The following MINDY2 variants were observed in gnomAD, a reference collection of about 807,000 sequenced individuals.
MINDY2 encodes MINDY lysine 48 deubiquitinase 2, also known as ubiquitin carboxyl-terminal hydrolase MINDY-2.
A neutral mutation model predicts 68.2 loss-of-function variants in MINDY2; 52 were observed. That is an observed-to-expected ratio of 0.76 (90% CI 0.61 to 0.96). MINDY2 has a LOEUF of 0.96. Ranked by LOEUF, MINDY2 falls within the 40% of genes least tolerant of loss-of-function variation. MINDY2 has a pLI of 0.00. For missense variants in MINDY2, 881 were observed against 773.4 expected (o/e 1.14, Z -1.65); for synonymous variants, 372 against 303.0 (o/e 1.23, Z -2.36).
chr15:58,833,376 G>A (rs2031836276), intron 6 of MINDY2, among the ~76,000 whole-genome samples: 1 of 152,172 alleles, frequency 6.6e-6, no homozygotes, highest in Non-Finnish European at 1.5e-5. Flanking sequence ...ACCTGTGGGT[G>A]TTTCTCATTA....
rs573599860 is a variant in MINDY2 at position 58,818,508 on chromosome 15, A to G, written c.1123-3209A>G. Among the ~76,000 whole-genome samples, 4 of 152,240 alleles carry G rather than the reference A, an allele frequency of 2.6e-5. No individual in the cohort carries two copies. In the East Asian group the frequency reaches 7.7e-4, roughly 29 times the overall value. On this transcript the variant is annotated intron_variant, in intron 4 of 8. Transcript: ENST00000559228. ...TGGACTGAAGCCGTCCTCCCCTGCT[A>G]GCCTCCTAAAGTGCTGGGATTATAG...
At chr15:58,847,178 T>C (rs1297105191) in intron 6 of MINDY2, 119 bp from the exon 7 acceptor site, 4 of 753,442 alleles carry the variant, frequency 5.3e-6, no homozygotes, top group Non-Finnish European at 8.1e-6. Context: ...TGTACAGATC[T>C]AAACAGTAGG....
intron 6 of MINDY2, among the ~76,000 whole-genome samples, chr15:58,846,656 A>C (rs1320379236): frequency 6.6e-6 from 1 of 152,074 alleles, no homozygotes; most frequent in Non-Finnish European, 1.5e-5. Flanking sequence ...CTATGTATCC[A>C]CAAAAATTAA....
rs947512710 is a variant in MINDY2, at chr15:58,801,959, A to G, written c.899-354A>G. Among the ~76,000 whole-genome samples the G allele has an allele frequency of 4.6e-5, 7 of 152,342 alleles. No individual in the cohort carries two copies. The East Asian group carries it at 5.8e-4, about 13-fold the overall frequency. Reference sequence around the variant, plus strand: ...TTTTTTACTTCTCAGTGTTGCAGACATTTAGAAGACTGATAATACCCATTG... The same window carrying G: ...TTTTTTACTTCTCAGTGTTGCAGACGTTTAGAAGACTGATAATACCCATTG... On this transcript the variant is annotated intron_variant, in intron 2 of 8. Transcript: ENST00000559228.
At chr15:58,788,266 A>G (rs1901640036) in intron 2 of MINDY2, among the ~76,000 whole-genome samples, 1 of 152,222 alleles carries the variant, frequency 6.6e-6, no homozygotes, top group Non-Finnish European at 1.5e-5. Context: ...CTGACATTGC[A>G]TGTAGAAAGT....
At chr15:58,822,993 T>G (rs1362778146) in intron 5 of MINDY2, among the ~76,000 whole-genome samples, 3 of 152,158 alleles carry the variant, frequency 2.0e-5, no homozygotes, top group African/African-American at 7.2e-5. Context: ...ATAAAAGATA[T>G]GTACATGAAT....
intron 1 of MINDY2, among the ~76,000 whole-genome samples, chr15:58,783,656 G>A (rs965825752): frequency 1.7e-4 from 26 of 152,286 alleles, no homozygotes; most frequent in African/African-American, 5.8e-4. Context: ...AGAATGGTCC[G>A]GGCATGGTGG....
chr15:58,856,819 T>A lies in MINDY2; in HGVS notation c.*2209T>A, dbSNP rs1229171020. 4 of 152,236 alleles carry A rather than the reference T, an allele frequency of 2.6e-5. No homozygotes were observed. Among genetic ancestry groups the A allele is most frequent in the African/African-American group, 9.6e-5 (4 of 41,464 alleles). The allele number at this position is 152,236 out of a possible 1,614,324, so 9.4% of individuals were successfully genotyped here. A position where few individuals can be genotyped will look rare whatever the true frequency, so the allele number is the denominator to read the frequency against. On this transcript the variant is annotated 3_prime_UTR_variant, in exon 9 of 9. Transcript: ENST00000559228. ...CTTGAGAAATTTTAAAAAGCATAGT[T>A]GAGGCATATTTTTTCATAATTATAT...
At chr15:58,818,264 C>T (rs1371737535) in intron 4 of MINDY2, among the ~76,000 whole-genome samples, 1 of 152,026 alleles carries the variant, frequency 6.6e-6, no homozygotes, top group Non-Finnish European at 1.5e-5. Flanking sequence ...GAATGGAATT[C>T]TGGGGGTGGG....
intron 5 of MINDY2, among the ~76,000 whole-genome samples, chr15:58,825,005 T>C (rs2031303707): frequency 6.6e-6 from 1 of 152,196 alleles, no homozygotes; most frequent in Non-Finnish European, 1.5e-5. Context: ...GGTGTTCAGT[T>C]AAAGTAATCT....
chr15:58,807,863 C>G (rs1475827830), intron 3 of MINDY2, among the ~76,000 whole-genome samples: 1 of 152,084 alleles, frequency 6.6e-6, no homozygotes, highest in Non-Finnish European at 1.5e-5. Flanking sequence ...CAGTAATAAA[C>G]TCGTTTTTGC....
At chr15:58,820,729 T>C (rs1056203805) in intron 4 of MINDY2, among the ~76,000 whole-genome samples, 2 of 152,156 alleles carry the variant, frequency 1.3e-5, no homozygotes, top group African/African-American at 4.8e-5. Flanking sequence ...TTTACATCTT[T>C]TTAACAAGCT....
chr15:58,797,013 T>A (rs1902328162), intron 2 of MINDY2, among the ~76,000 whole-genome samples: 1 of 152,186 alleles, frequency 6.6e-6, no homozygotes, highest in Non-Finnish European at 1.5e-5. Context: ...ATATATCACC[T>A]AAACCTGCAC....
chr15:58,854,343 T>C, intron 8 of MINDY2, 139 bp from the exon 9 acceptor site: 1 of 818,328 alleles, frequency 1.2e-6, no homozygotes, highest in South Asian at 2.2e-5. Context: ...CCATGTAATA[T>C]AACAAATCTG....
At chr15:58,822,011 A>G (rs2031091821) in intron 5 of MINDY2, among the ~76,000 whole-genome samples, 192 bp downstream of exon 5, 1 of 152,200 alleles carries the variant, frequency 6.6e-6, no homozygotes, top group East Asian at 1.9e-4. Context: ...GCATTTTGAG[A>G]GGCCAAGGCA....
At chr15:58,824,962 G>A (rs921208832) in intron 5 of MINDY2, among the ~76,000 whole-genome samples, 10 of 152,160 alleles carry the variant, frequency 6.6e-5, no homozygotes, top group Admixed American at 2.6e-4. Flanking sequence ...AAGCCACCTC[G>A]CCCAGCCCAT....
At chr15:58,807,590 C>T (rs1374763251) in intron 3 of MINDY2, among the ~76,000 whole-genome samples, 1 of 152,062 alleles carries the variant, frequency 6.6e-6, no homozygotes, top group Non-Finnish European at 1.5e-5. Context: ...GTCTCGATCT[C>T]CTGACCTTGT....
chr15:58,787,464 G>A (rs1456009837), intron 1 of MINDY2, among the ~76,000 whole-genome samples: 1 of 152,030 alleles, frequency 6.6e-6, no homozygotes, highest in Non-Finnish European at 1.5e-5. Flanking sequence ...TAGGCTGGGT[G>A]CAGTGGCTCA....
intron 2 of MINDY2, among the ~76,000 whole-genome samples, chr15:58,791,467 A>G (rs963673884): frequency 1.3e-5 from 2 of 151,160 alleles, no homozygotes; most frequent in African/African-American, 4.9e-5. Context: ...AAATTCAAAA[A>G]TTAGCCAGGC....
Sources: gnomAD v4.1 joint callset for allele counts (sites outside exome capture counted in the v4.1 genomes callset) on GRCh38, gnomAD v4.1.1 for gene constraint, MANE v1.5 for transcripts, NCBI Gene and HGNC (gene_info 2026-07-23, HGNC 2026-07-21) for gene names.